The following GOLGB1 variants were observed in gnomAD, a reference collection of about 807,000 sequenced individuals.
GOLGB1 encodes golgin subfamily B member 1.
GOLGB1 carries 174 observed loss-of-function variants against 336.9 expected under a neutral mutation model. The ratio of observed to expected loss-of-function variants is 0.52; its 90% CI spans 0.46 to 0.59. The LOEUF (loss-of-function observed/expected upper bound fraction) is 0.59. Ranked by LOEUF, GOLGB1 falls within the 20% of genes least tolerant of loss-of-function variation. The pLI, the probability that GOLGB1 is intolerant of heterozygous loss-of-function variation, is 0.00. For missense variants in GOLGB1, 3,331 were observed against 3,645.3 expected (o/e 0.91, Z 2.22); for synonymous variants, 1,208 against 1,289.2 (o/e 0.94, Z 1.35).
chr3:121,681,216 A>G (rs1175129065), intron 15 of GOLGB1, among the ~76,000 whole-genome samples: 5 of 152,232 alleles, frequency 3.3e-5, no homozygotes, highest in Non-Finnish European at 5.9e-5. Context: ...AAAAAAGCCA[A>G]TTTCAAAGGG....
rs553827657 is a variant in GOLGB1 at position 121,742,789 on chromosome 3, T to A, written c.-3+6843A>T. On this transcript the variant is annotated intron_variant, in intron 1 of 21. Transcript: ENST00000614479. ...ATTTACAAGAAAAAAAATAACACCATCAAAAAGTGGGCAAAGGATATGAAC... is the reference window on the plus strand; with the variant it reads ...ATTTACAAGAAAAAAAATAACACCAACAAAAAGTGGGCAAAGGATATGAAC... Among the ~76,000 whole-genome samples the A allele has an allele frequency of 5.9e-5, 9 of 151,940 alleles. No individual in the cohort carries two copies. The South Asian group carries it at 1.9e-3, about 32-fold the overall frequency.
intron 17 of GOLGB1, among the ~76,000 whole-genome samples, chr3:121,673,288 C>T (rs946378975): frequency 2.0e-5 from 3 of 152,016 alleles, no homozygotes; most frequent in Non-Finnish European, 4.4e-5. Flanking sequence ...AGGATGGTCT[C>T]GAACTCCTGA....
chr3:121,710,638 G>A (rs11721318), intron 10 of GOLGB1, among the ~76,000 whole-genome samples: 33,452 of 151,972 alleles, frequency 0.22, 4,233 homozygotes, highest in Non-Finnish European at 0.29. Flanking sequence ...CAGAAGTTCT[G>A]TACCAGCCTG....
chr3:121,690,672 GTCTGTC>G lies in GOLGB1; in HGVS notation c.8686_8691del (p.Asp2896_Arg2897del). ...GAAAGAAAGAACTAGCTACTCACTA[GTCTGTC>G]TCTGTCATTTTGGAGTGAAGACATA... On this transcript the variant is annotated inframe_deletion, in exon 14 of 22. Coordinates refer to ENST00000614479, the MANE Select transcript of GOLGB1 (RefSeq NM_001366282.2). 6.8e-7 allele frequency: 1 copy of G among 1,462,780 alleles called. No homozygotes were observed. Among genetic ancestry groups the G allele is most frequent in the Non-Finnish European group, 9.2e-7 (1 of 1,090,174 alleles). The allele number at this position is 1,462,780 out of a possible 1,614,324, so 90.6% of individuals were successfully genotyped here.
chr3:121,706,204 T>G (rs895560749), intron 10 of GOLGB1, among the ~76,000 whole-genome samples: 2 of 151,242 alleles, frequency 1.3e-5, no homozygotes, highest in Non-Finnish European at 2.9e-5. Context: ...CTAATATAAA[T>G]GTAATTGGAA....
At chr3:121,721,540 A>G (rs1007141905) in intron 6 of GOLGB1, among the ~76,000 whole-genome samples, 3 of 152,186 alleles carry the variant, frequency 2.0e-5, no homozygotes, top group African/African-American at 7.2e-5. Context: ...GAGGTGAGTG[A>G]GAGGATGGCT....
chr3:121,694,544 C>A lies in GOLGB1; in HGVS notation c.5979G>T (p.Lys1993Asn), dbSNP rs138930273. ...CACCTTGTATTTTCTCCAAATATTC[C>A]TTTCGTATTTCTGATTCCACCTTAG... ...EKTKVESEIR[K>N]EYLEKIQGAQ... Residue 1993 changes from lysine to asparagine, a missense_variant, in exon 13 of 22, where the codon AAG becomes AAT. By Grantham distance (94) the Lys-to-Asn change is moderately conservative. Transcript: ENST00000614479. 3.1e-6 allele frequency: 5 copies of A among 1,612,494 alleles called. No individual in the cohort carries two copies. The highest frequency in any genetic ancestry group is 1.3e-5 in the African/African-American group (1 of 74,850).
intron 17 of GOLGB1, among the ~76,000 whole-genome samples, chr3:121,674,825 C>CTTTTTT (rs891603400): frequency 5.9e-4 from 72 of 121,010 alleles, no homozygotes; most frequent in African/African-American, 1.0e-3. Flanking sequence ...AGGTGCCTTT[C>CTTTTTT]TTTTTTTTTT....
chr3:121,733,167 C>T (rs1341377252), intron 1 of GOLGB1, among the ~76,000 whole-genome samples: 1 of 150,482 alleles, frequency 6.6e-6, no homozygotes, highest in Non-Finnish European at 1.5e-5. Context: ...ACTAAAAATA[C>T]AAAAAATTAG....
chr3:121,746,377 C>T (rs545388923), intron 1 of GOLGB1, among the ~76,000 whole-genome samples: 1 of 152,326 alleles, frequency 6.6e-6, no homozygotes, highest in East Asian at 1.9e-4. Context: ...GTAGCTATAA[C>T]ATACATACAC....
chr3:121,738,650 C>T (rs565728545), intron 1 of GOLGB1, among the ~76,000 whole-genome samples: 25 of 152,144 alleles, frequency 1.6e-4, no homozygotes, highest in Non-Finnish European at 3.1e-4. Flanking sequence ...CAGGGGCCTA[C>T]GAGGGCTGAA....
intron 10 of GOLGB1, among the ~76,000 whole-genome samples, chr3:121,713,374 T>C (rs1016086654): frequency 6.6e-6 from 1 of 152,174 alleles, no homozygotes; most frequent in Non-Finnish European, 1.5e-5. Flanking sequence ...CAGGTGTCCA[T>C]CAATAGGAAA....
intron 19 of GOLGB1, 143 bp from the exon 20 acceptor site, chr3:121,667,753 T>C: frequency 2.9e-6 from 2 of 696,102 alleles, no homozygotes; most frequent in East Asian, 2.7e-5. Context: ...AGCAAAGCTG[T>C]AGAGGGATTA....
At chr3:121,680,244 C>T (rs939984474) in intron 15 of GOLGB1, among the ~76,000 whole-genome samples, 18 of 152,202 alleles carry the variant, frequency 1.2e-4, no homozygotes, top group Admixed American at 1.3e-4. Flanking sequence ...CCTGCTAACA[C>T]AGAAGATTCA....
chr3:121,737,591 C>T lies in GOLGB1; in HGVS notation c.-2-6618G>A, dbSNP rs1275104562. Among the ~76,000 whole-genome samples the T allele has an allele frequency of 2.0e-5, 3 of 149,368 alleles. No individual in the cohort carries two copies. In the East Asian group the frequency reaches 5.9e-4, roughly 30 times the overall value. On this transcript the variant is annotated intron_variant, in intron 1 of 21. Transcript: ENST00000614479. Reference sequence around the variant, plus strand: ...ACTTGAACCTGAGAGGTGGAGGTTGCAGTGAGCCAAGATTCGCACCACTGC... The same window carrying T: ...ACTTGAACCTGAGAGGTGGAGGTTGTAGTGAGCCAAGATTCGCACCACTGC...
intron 1 of GOLGB1, among the ~76,000 whole-genome samples, chr3:121,736,199 G>A (rs1035940351): frequency 4.6e-5 from 7 of 151,958 alleles, no homozygotes; most frequent in Admixed American, 2.6e-4. Flanking sequence ...ATGTAGATAC[G>A]TCCCCCTCTA....
At position 121,698,429 on chromosome 3, in the gene GOLGB1, A is replaced by T; in HGVS notation, c.2094T>A (p.Ile698=). ...TATGAAAGTTTAGCTCGAGCTCCAA[A>T]ATTTGACTTTTTAACCTTTCCAACT... ...QDELERLKSQ[I]LELELNFHKA... The change falls in exon 13 of 22, where the codon ATT becomes ATA. Residue 698 remains isoleucine (I), a synonymous_variant. Transcript: ENST00000614479. 6.2e-7 allele frequency: 1 copy of T among 1,613,854 alleles called. No homozygotes were observed. Among genetic ancestry groups the T allele is most frequent in the African/African-American group, 1.3e-5 (1 of 75,004 alleles).
chr3:121,694,977 T>C lies in GOLGB1; in HGVS notation c.5546A>G (p.Gln1849Arg). Reference sequence around the variant, plus strand: ...TAATCCAGCAATTCTTTCTTTGAGCTGATCAATCTGCTGTAGGTAGTTATT... The same window carrying C: ...TAATCCAGCAATTCTTTCTTTGAGCCGATCAATCTGCTGTAGGTAGTTATT... The part of the protein sequence containing the change: ...EINNYLQQID[Q>R]LKERIAGLEE... Residue 1849 changes from glutamine to arginine, a missense_variant, in exon 13 of 22, where the codon CAG becomes CGG. Transcript: ENST00000614479. 1.2e-6 allele frequency: 2 copies of C among 1,614,074 alleles called. No individual in the cohort carries two copies. The highest frequency in any genetic ancestry group is 1.7e-4 in the Middle Eastern group (1 of 6,060).
chr3:121,722,852 C>A (rs960618918), intron 5 of GOLGB1, among the ~76,000 whole-genome samples: 29 of 152,246 alleles, frequency 1.9e-4, no homozygotes, highest in African/African-American at 7.0e-4. Flanking sequence ...GAACAGCTGG[C>A]CAATTTTAGA....
Sources: gnomAD v4.1 joint callset for allele counts (sites outside exome capture counted in the v4.1 genomes callset) on GRCh38, gnomAD v4.1.1 for gene constraint, MANE v1.5 for transcripts, NCBI Gene and HGNC (gene_info 2026-07-23, HGNC 2026-07-21) for gene names.